GABRG2: variants seen among roughly 807,000 people sequenced by gnomAD.
The protein encoded by GABRG2 is gamma-aminobutyric acid type A receptor subunit gamma2.
GABRG2 carries 16 observed loss-of-function variants against 56.4 expected under a neutral mutation model. That is an observed-to-expected ratio of 0.28 (90% confidence interval 0.19 to 0.43). GABRG2 has a LOEUF of 0.43. Among genes scored for constraint, GABRG2 ranks in the 20% least tolerant of loss-of-function variants. The pLI, the probability that GABRG2 is intolerant of heterozygous loss-of-function variation, is 1.00. For synonymous variants in GABRG2, 208 were observed against 205.5 expected (o/e 1.01, Z -0.10); for missense variants, 327 against 582.7 (o/e 0.56, Z 4.52).
At position 162,088,618 on chromosome 5, in the gene GABRG2, G is replaced by A. The variant is rs1760315577; in HGVS notation, c.108-5210G>A. On this transcript the variant is annotated intron_variant, in intron 1 of 9. Coordinates refer to ENST00000639213, the MANE Select transcript of GABRG2 (RefSeq NM_198904.4). ...CATAAATTAATTTATTGTCCTAAGGGAAAATGAGCTGGAACAATCATTTAT... is the reference window on the plus strand; with the variant it reads ...CATAAATTAATTTATTGTCCTAAGGAAAAATGAGCTGGAACAATCATTTAT... Among the ~76,000 whole-genome samples the A allele has an allele frequency of 2.6e-5, 4 of 152,212 alleles. No individual in the cohort carries two copies. The South Asian group carries it at 8.3e-4, about 32-fold the overall frequency.
rs1012435650 is a variant in GABRG2 at position 162,074,955 on chromosome 5, G to A, written c.107+6849G>A. ...TTTAAGAGTGAATTACCTGATTTCC[G>A]TAGGCAGAAGTGGAGCTACCTCCCA... On this transcript the variant is annotated intron_variant, in intron 1 of 9. Transcript: ENST00000639213. Among the ~76,000 whole-genome samples the A allele has an allele frequency of 9.2e-5, 14 of 151,990 alleles. 1 individual carries two copies. Among genetic ancestry groups the A allele is most frequent in the African/African-American group, 2.7e-4 (11 of 41,390 alleles).
At chr5:162,136,353 C>T (rs1316364287) in intron 6 of GABRG2, among the ~76,000 whole-genome samples, 2 of 152,096 alleles carry the variant, frequency 1.3e-5, no homozygotes, top group African/African-American at 2.4e-5. Context: ...ATGTAGCTCT[C>T]GCGCACTTGA....
intron 6 of GABRG2, among the ~76,000 whole-genome samples, chr5:162,115,811 C>T (rs1446136805): frequency 1.3e-5 from 2 of 151,868 alleles, no homozygotes; most frequent in African/African-American, 2.4e-5. Context: ...AGTCGGCAGT[C>T]AAAATAATAA....
At chr5:162,142,904 A>T (rs1335750838) in intron 7 of GABRG2, 1 of 152,126 alleles carries the variant, frequency 6.6e-6, no homozygotes, top group Non-Finnish European at 1.5e-5. Flanking sequence ...CATAATAAAA[A>T]AAAAAAAAAG....
At chr5:162,147,965 G>T (rs1765087293) in intron 7 of GABRG2, among the ~76,000 whole-genome samples, 1 of 152,126 alleles carries the variant, frequency 6.6e-6, no homozygotes, top group African/African-American at 2.4e-5. Flanking sequence ...GAAAACTGAG[G>T]CCTAGAGTGT....
chr5:162,155,245 GT>G lies in GABRG2; in HGVS notation c.*1881del, dbSNP rs917625888. On this transcript the variant is annotated 3_prime_UTR_variant, in exon 10 of 10. Transcript: ENST00000639213. ...TGTAAATAGAACGAATTATTTTCTT[GT>G]TTTGAATTGTCAATATATTAAATGT... 3 of 152,352 alleles carry G rather than the reference GT, an allele frequency of 2.0e-5. No homozygotes were observed. Among genetic ancestry groups the G allele is most frequent in the African/African-American group, 7.3e-5 (3 of 41,374 alleles). 9.4% of individuals were successfully genotyped at this position (152,352 alleles called of 1,614,324 possible). A position where few individuals can be genotyped will look rare whatever the true frequency, so the allele number is the denominator to read the frequency against.
chr5:162,094,919 G>T (rs138359509), intron 2 of GABRG2, among the ~76,000 whole-genome samples: 1 of 152,084 alleles, frequency 6.6e-6, no homozygotes, highest in South Asian at 2.1e-4. Context: ...TATTATCTGT[G>T]GTATCACAGG....
chr5:162,096,764 C>G (rs1441652029), intron 3 of GABRG2, among the ~76,000 whole-genome samples: 1 of 151,530 alleles, frequency 6.6e-6, no homozygotes, highest in Non-Finnish European at 1.5e-5. Flanking sequence ...TTACTGAAGT[C>G]AACCGCTCTC....
chr5:162,118,525 G>C (rs1285195600), intron 6 of GABRG2, among the ~76,000 whole-genome samples: 1 of 152,068 alleles, frequency 6.6e-6, no homozygotes, highest in Non-Finnish European at 1.5e-5. Flanking sequence ...AACTAGGCTA[G>C]AAGTAAAAAG....
chr5:162,097,222 G>A (rs1029552042), intron 3 of GABRG2, among the ~76,000 whole-genome samples: 2 of 152,092 alleles, frequency 1.3e-5, no homozygotes, highest in Admixed American at 6.6e-5. Context: ...GTCATTACTT[G>A]GCAGGATTGA....
chr5:162,095,201 G>A (rs1360290420), intron 2 of GABRG2, among the ~76,000 whole-genome samples: 2 of 152,094 alleles, frequency 1.3e-5, no homozygotes, highest in South Asian at 2.1e-4. Flanking sequence ...AGAGAAAGAT[G>A]GAGAAAAGCT....
chr5:162,137,211 C>T (rs993464970), intron 6 of GABRG2, among the ~76,000 whole-genome samples: 1 of 152,158 alleles, frequency 6.6e-6, no homozygotes, highest in Non-Finnish European at 1.5e-5. Context: ...ACATAAAAAA[C>T]CGTGGGAAAA....
chr5:162,152,521 A>G (rs755181162), intron 9 of GABRG2: 1 of 401,764 alleles, frequency 2.5e-6, no homozygotes, highest in South Asian at 2.0e-5. Context: ...ATAGATGGTG[A>G]ATATTAGAAA....
chr5:162,071,075 A>G lies in GABRG2; in HGVS notation c.107+2969A>G, dbSNP rs209346. Among the ~76,000 whole-genome samples, 1,297 of 151,934 alleles carry G rather than the reference A, an allele frequency of 8.5e-3. 19 individuals are homozygous for G. Among genetic ancestry groups the G allele is most frequent in the African/African-American group, 0.028 (1,160 of 41,556 alleles). On this transcript the variant is annotated intron_variant, in intron 1 of 9. Coordinates refer to ENST00000639213, the MANE Select transcript of GABRG2 (RefSeq NM_198904.4). ...CATATAACAAAGCATAAGGAATAGT[A>G]TAAAGAATACACCAACATTAGTTAT... is the stretch of plus-strand genomic sequence containing the variant.
At chr5:162,151,818 A>G (rs1765393753) in intron 9 of GABRG2, 65 bp downstream of exon 9, 5 of 1,379,668 alleles carry the variant, frequency 3.6e-6, no homozygotes, top group East Asian at 2.3e-5. Context: ...TAATGCTTAC[A>G]TGGTGTTTTA....
At chr5:162,120,836 T>A (rs1475876331) in intron 6 of GABRG2, among the ~76,000 whole-genome samples, 2 of 152,130 alleles carry the variant, frequency 1.3e-5, no homozygotes, top group Non-Finnish European at 2.9e-5. Flanking sequence ...ACTAGCCAGT[T>A]TAGATTAAGA....
intron 6 of GABRG2, among the ~76,000 whole-genome samples, chr5:162,126,317 T>C (rs1763338611): frequency 6.6e-6 from 1 of 151,944 alleles, no homozygotes; most frequent in African/African-American, 2.4e-5. Flanking sequence ...TTCTAGAGGA[T>C]TGGATGTTTA....
chr5:162,113,758 A>G (rs988026160), intron 6 of GABRG2, among the ~76,000 whole-genome samples: 3 of 152,250 alleles, frequency 2.0e-5, no homozygotes, highest in African/African-American at 7.2e-5. Context: ...GACAATGTGT[A>G]ATTCACAAAC....
intron 6 of GABRG2, among the ~76,000 whole-genome samples, chr5:162,138,364 T>G (rs1764295057): frequency 6.6e-6 from 1 of 152,136 alleles, no homozygotes. Context: ...CTCATGGAAT[T>G]ATGTCCCCAA....
Sources: allele counts gnomAD v4.1 joint callset (sites outside exome capture counted in the v4.1 genomes callset), GRCh38; gene constraint gnomAD v4.1.1; transcripts MANE v1.5; gene names NCBI Gene and HGNC (gene_info 2026-07-23, HGNC 2026-07-21).